Variants in ASXL1 observed in about 807,000 individuals in gnomAD.
The protein encoded by ASXL1 is ASXL transcriptional regulator 1.
A neutral mutation model predicts 89.1 loss-of-function variants in ASXL1; 65 were observed. That is an observed-to-expected ratio of 0.73 (90% confidence interval 0.60 to 0.90). The LOEUF is 0.90. Ranked by LOEUF, ASXL1 falls within the 40% of genes least tolerant of loss-of-function variation. The probability of loss-of-function intolerance (pLI) is 0.00; values close to 1 mark genes in which losing one functional copy is unlikely to be tolerated. For synonymous variants in ASXL1, 739 were observed against 746.9 expected (o/e 0.99, Z 0.17); for missense variants, 1,786 against 1,942.9 (o/e 0.92, Z 1.52).
intron 4 of ASXL1, among the ~76,000 whole-genome samples, chr20:32,369,900 TA>T (rs1195460630): frequency 6.6e-6 from 1 of 151,704 alleles, no homozygotes; most frequent in Non-Finnish European, 1.5e-5. Context: ...TTTGTATTTT[TA>T]GTAGAGACGG....
intron 4 of ASXL1, among the ~76,000 whole-genome samples, chr20:32,395,982 A>G (rs1465936670): frequency 6.6e-6 from 1 of 151,950 alleles, no homozygotes; most frequent in Non-Finnish European, 1.5e-5. Flanking sequence ...TATTTTTAGT[A>G]GAGACAGAGC....
chr20:32,416,941 T>C (rs1357712109), intron 4 of ASXL1, among the ~76,000 whole-genome samples: 1 of 152,196 alleles, frequency 6.6e-6, no homozygotes, highest in African/African-American at 2.4e-5. Flanking sequence ...GATGAACTCT[T>C]CAAATTCCTG....
chr20:32,364,954 A>ATTTGGGTTG (rs2048181573), intron 1 of ASXL1, among the ~76,000 whole-genome samples: 2 of 152,184 alleles, frequency 1.3e-5, no homozygotes, highest in Non-Finnish European at 2.9e-5. Context: ...GGGTCAGGTA[A>ATTTGGGTTG]GAGACTGGTT....
At chr20:32,425,402 C>T (rs964539271) in intron 4 of ASXL1, among the ~76,000 whole-genome samples, 5 of 152,186 alleles carry the variant, frequency 3.3e-5, no homozygotes, top group Non-Finnish European at 7.4e-5. Context: ...ATGTTTGTAT[C>T]TTCAACTGTA....
rs771719149 is a variant in ASXL1, at chr20:32,434,927, C to A, written c.2215C>A (p.Leu739Ile). Residue 739 changes from leucine (L) to isoleucine (I), a missense_variant, in exon 13 of 13, where the codon CTC becomes ATC. Coordinates refer to ENST00000375687, the MANE Select transcript of ASXL1 (RefSeq NM_015338.6). ...CCTACTACAGAGGGCTACAGTTGGA[C>A]TCACAGATGGGCTAGGAGATGCCTC... Reference protein sequence around the residue: ...SCLLQRATVGLTDGLGDASQL... With the variant: ...SCLLQRATVGITDGLGDASQL... 43 of 1,614,082 alleles carry A rather than the reference C, an allele frequency of 2.7e-5. No homozygotes were observed. Among genetic ancestry groups the A allele is most frequent in the Non-Finnish European group, 3.4e-5 (40 of 1,180,050 alleles).
chr20:32,381,127 A>G (rs1357114841), intron 4 of ASXL1, among the ~76,000 whole-genome samples: 3 of 152,212 alleles, frequency 2.0e-5, no homozygotes, highest in African/African-American at 7.2e-5. Flanking sequence ...CTTCTTGCAC[A>G]TAATAGGTGC....
At position 32,358,950 on chromosome 20, in the gene ASXL1, A is replaced by G. The variant is rs1258645707; in HGVS notation, c.57+118A>G. ...GCCCACCGCGGGAGGGGGCGGGGCCATCTTCCTTTAAGAACGGGACAGCCC... is the reference window on the plus strand; with the variant it reads ...GCCCACCGCGGGAGGGGGCGGGGCCGTCTTCCTTTAAGAACGGGACAGCCC... On this transcript the variant is annotated intron_variant, in intron 1 of 12. Transcript: ENST00000375687. 1.0e-5 allele frequency: 11 copies of G among 1,102,782 alleles called. No homozygotes were observed. In the Admixed American group the frequency reaches 1.4e-4, roughly 14 times the overall value. 68.3% of individuals were successfully genotyped at this position (1,102,782 alleles called of 1,614,324 possible). A position where few individuals can be genotyped will look rare whatever the true frequency, so the allele number is the denominator to read the frequency against.
Position 32,434,935 on chromosome 20 carries a change from T to C in ASXL1, c.2223T>C (p.Asp741=), listed in dbSNP as rs2011713216. Residue 741 remains aspartate, a synonymous_variant, in exon 13 of 13, where the codon GAT becomes GAC. Coordinates refer to ENST00000375687, the MANE Select transcript of ASXL1 (RefSeq NM_015338.6). Reference sequence around the variant, plus strand: ...AGAGGGCTACAGTTGGACTCACAGATGGGCTAGGAGATGCCTCCCAACTCC... The same window carrying C: ...AGAGGGCTACAGTTGGACTCACAGACGGGCTAGGAGATGCCTCCCAACTCC... The part of the protein sequence containing the change: ...LLQRATVGLT[D]GLGDASQLPV... 6.2e-7 allele frequency: 1 copy of C among 1,614,178 alleles called. No individual in the cohort carries two copies. The highest frequency in any genetic ancestry group is 2.2e-5 in the East Asian group (1 of 44,888).
In ASXL1 at chr20:32,358,905, G is replaced by T. The variant is rs920439839; in HGVS notation, c.57+73G>T. 15 of 1,392,560 alleles carry T rather than the reference G, an allele frequency of 1.1e-5. No individual in the cohort carries two copies. In the East Asian group the frequency reaches 2.9e-4, roughly 27 times the overall value. 86.3% of individuals were successfully genotyped at this position (1,392,560 alleles called of 1,614,324 possible). A position where few individuals can be genotyped will look rare whatever the true frequency, so the allele number is the denominator to read the frequency against. ...GGCTCGCCGCGCACCCCCCCACTGG[G>T]GGGGGAGGGGCAAGGCCCTGCCCAC... On this transcript the variant is annotated intron_variant, in intron 1 of 12. Transcript: ENST00000375687.
At chr20:32,413,743 G>A (rs1004632805) in intron 4 of ASXL1, among the ~76,000 whole-genome samples, 3 of 152,038 alleles carry the variant, frequency 2.0e-5, no homozygotes, top group African/African-American at 7.3e-5. Context: ...TGTTTTCCTC[G>A]GACTTTCCTT....
chr20:32,429,761 C>A lies in ASXL1; in HGVS notation c.566-140C>A. Reference sequence around the variant, plus strand: ...AAGCCAGACCATGAAGTGGTGGTTTCTCTCAGCCTAAGGCTGGGAGATGGA... The same window carrying A: ...AAGCCAGACCATGAAGTGGTGGTTTATCTCAGCCTAAGGCTGGGAGATGGA... On this transcript the variant is annotated intron_variant, in intron 7 of 12. Coordinates refer to ENST00000375687, the MANE Select transcript of ASXL1 (RefSeq NM_015338.6). The surrounding 1 kb of genome is among the most constrained non-coding windows in gnomAD (Gnocchi z 4.9). The A allele has an allele frequency of 8.1e-7, 1 of 1,230,598 alleles. No individual in the cohort carries two copies. The highest frequency in any genetic ancestry group is 1.1e-6 in the Non-Finnish European group (1 of 887,234). 76.2% of individuals were successfully genotyped at this position (1,230,598 alleles called of 1,614,324 possible). A position where few individuals can be genotyped will look rare whatever the true frequency, so the allele number is the denominator to read the frequency against.
chr20:32,361,874 T>C (rs1569233068), intron 1 of ASXL1, among the ~76,000 whole-genome samples: 1 of 151,934 alleles, frequency 6.6e-6, no homozygotes, highest in Non-Finnish European at 1.5e-5. Flanking sequence ...GAGACCAGCC[T>C]GGCCAACATG....
chr20:32,420,328 T>C (rs1033129044), intron 4 of ASXL1, among the ~76,000 whole-genome samples: 3 of 148,356 alleles, frequency 2.0e-5, no homozygotes, highest in African/African-American at 7.4e-5. Context: ...GATATTTTGC[T>C]TTTTTTTTTA....
rs913439649 is a variant in ASXL1 at position 32,429,793 on chromosome 20, C to G, written c.566-108C>G. On this transcript the variant is annotated intron_variant, in intron 7 of 12. Transcript: ENST00000375687. This position sits in a 1 kb window ranked among gnomAD's most constrained non-coding sequence, Gnocchi z 4.9. The stretch of plus-strand genomic sequence containing the variant: ...CCTAAGGCTGGGAGATGGAAGCATC[C>G]CAGTATTGCTGGCAGCATCTCAGGG... 30 of 1,435,300 alleles carry G rather than the reference C, an allele frequency of 2.1e-5. No individual in the cohort carries two copies. Among genetic ancestry groups the G allele is most frequent in the Non-Finnish European group, 2.7e-5 (28 of 1,056,040 alleles). The allele number at this position is 1,435,300 out of a possible 1,614,324, so 88.9% of individuals were successfully genotyped here.
chr20:32,427,949 C>A, intron 4 of ASXL1, 179 bp from the exon 5 acceptor site: 1 of 853,400 alleles, frequency 1.2e-6, no homozygotes, highest in Non-Finnish European at 1.8e-6. Context: ...GTGTATCTAA[C>A]TTTCTTAATG....
rs780099677 is a variant in ASXL1, at chr20:32,428,323, A to G, written c.374-2A>G. 1.2e-6 allele frequency: 2 copies of G among 1,614,188 alleles called. No individual in the cohort carries two copies. Among genetic ancestry groups the G allele is most frequent in the African/African-American group, 1.3e-5 (1 of 75,042 alleles). On this transcript the variant is annotated splice_acceptor_variant, in intron 5 of 12. Transcript: ENST00000375687. LOFTEE classifies it high-confidence loss of function. ...ACTAACCTTTATTTTCCTCTCTTCC[A>G]GTATCTCTTGATGAAACATCTTCGA... is the stretch of plus-strand genomic sequence containing the variant.
At chr20:32,399,134 C>T (rs974202427) in intron 4 of ASXL1, among the ~76,000 whole-genome samples, 2 of 151,806 alleles carry the variant, frequency 1.3e-5, no homozygotes, top group Non-Finnish European at 2.9e-5. Flanking sequence ...TTGCTTGAAC[C>T]CGGGAAGCGG....
In ASXL1 at chr20:32,429,494, G is replaced by T; in HGVS notation, c.565+63G>T. 1 of 1,531,778 alleles carries T rather than the reference G, an allele frequency of 6.5e-7. No individual in the cohort carries two copies. The highest frequency in any genetic ancestry group is 9.0e-7 in the Non-Finnish European group (1 of 1,106,084). 94.9% of individuals were successfully genotyped at this position (1,531,778 alleles called of 1,614,324 possible). On this transcript the variant is annotated intron_variant, in intron 7 of 12. Coordinates refer to ENST00000375687, the MANE Select transcript of ASXL1 (RefSeq NM_015338.6). The surrounding 1 kb of genome is among the most constrained non-coding windows in gnomAD (Gnocchi z 4.9). ...GGTCCTGGGGACCTGGCCTCCCTCT[G>T]TCAGCAGTTTCTGACCTAATAGTGC...
chr20:32,412,078 C>G (rs2049058729), intron 4 of ASXL1, among the ~76,000 whole-genome samples: 1 of 152,034 alleles, frequency 6.6e-6, no homozygotes, highest in Non-Finnish European at 1.5e-5. Context: ...CTGGGGAGCT[C>G]TGGTTTCTTT....
Sources: gnomAD v4.1 joint callset for allele counts (sites outside exome capture counted in the v4.1 genomes callset) on GRCh38, gnomAD v4.1.1 for gene constraint, Gnocchi (gnomAD v3.1) non-coding constraint, MANE v1.5 for transcripts, NCBI Gene and HGNC (gene_info 2026-07-23, HGNC 2026-07-21) for gene names.